FAM184B: variants seen among roughly 807,000 people sequenced by gnomAD.
The protein encoded by FAM184B is protein FAM184B.
In FAM184B, 111 loss-of-function variants were observed where a neutral mutation model predicts 135.9. That is an observed-to-expected ratio of 0.82 (90% confidence interval 0.70 to 0.96). The LOEUF (loss-of-function observed/expected upper bound fraction) is 0.96. Ranked by LOEUF, FAM184B falls within the 40% of genes least tolerant of loss-of-function variation. The pLI is 0.00. For synonymous variants in FAM184B, 552 were observed against 524.8 expected, an observed-to-expected ratio of 1.05 and a Z score of -0.71; for missense variants, 1,375 against 1,323.9, an observed-to-expected ratio of 1.04 and a Z score of -0.60.
At chr4:17,728,181 G>T (rs1717686782) in intron 1 of FAM184B, among the ~76,000 whole-genome samples, 1 of 152,134 alleles carries the variant, frequency 6.6e-6, no homozygotes, top group African/African-American at 2.4e-5. Flanking sequence ...CGAAGGTAGT[G>T]ATGATGAGGA....
intron 7 of FAM184B, among the ~76,000 whole-genome samples, chr4:17,684,199 TATAA>T (rs1716520271): frequency 7.3e-6 from 1 of 136,658 alleles, no homozygotes; most frequent in Non-Finnish European, 1.6e-5. Context: ...AAAATAGTTA[TATAA>T]AAAATAATAA....
chr4:17,676,825 A>G (rs950179924), intron 7 of FAM184B, among the ~76,000 whole-genome samples: 2 of 148,680 alleles, frequency 1.3e-5, no homozygotes, highest in Admixed American at 1.4e-4. Flanking sequence ...GTACAGTAAT[A>G]TGCTGTACAG....
At chr4:17,685,154 C>G (rs1292685904) in intron 7 of FAM184B, among the ~76,000 whole-genome samples, 2 of 148,604 alleles carry the variant, frequency 1.3e-5, no homozygotes, top group African/African-American at 5.0e-5. Context: ...CACATGTTTA[C>G]CTTTGTAACA....
chr4:17,696,834 A>AATGAATGAATGAATGAATG (rs56155024), intron 5 of FAM184B, among the ~76,000 whole-genome samples: 6 of 146,340 alleles, frequency 4.1e-5, no homozygotes, highest in African/African-American at 1.5e-4. Flanking sequence ...ATGAATGAAT[A>AATGAATGAATGAATGAATG]AATAAATAAA....
chr4:17,722,613 G>A (rs1001339774), intron 1 of FAM184B, among the ~76,000 whole-genome samples: 4 of 152,178 alleles, frequency 2.6e-5, no homozygotes, highest in African/African-American at 7.2e-5. Flanking sequence ...GCTGAAAGAC[G>A]AGGGTGGGCT....
intron 1 of FAM184B, among the ~76,000 whole-genome samples, chr4:17,730,903 GAGCTGAA>G (rs1348691308): frequency 3.0e-4 from 46 of 152,292 alleles, no homozygotes; most frequent in African/African-American, 1.1e-3. Flanking sequence ...GGAGCTAATG[GAGCTGAA>G]AGCCAAGGCT....
intron 5 of FAM184B, among the ~76,000 whole-genome samples, chr4:17,695,190 G>A (rs550631967): frequency 6.7e-5 from 10 of 149,680 alleles, no homozygotes; most frequent in East Asian, 2.0e-4. Context: ...ACAGGGTCTC[G>A]CTCTGTCACC....
Position 17,709,314 on chromosome 4 carries a change from A to G in FAM184B, c.472T>C (p.Tyr158His). ...SREMLELKAD[Y>H]ERRLQHLTSH... ...GTCAGGTGCTGGAGCCTCCTCTCGT[A>G]GTCAGCCTTGAGCTCCAGCATTTCC... is the stretch of plus-strand genomic sequence containing the variant. The change falls in exon 2 of 18, where the codon TAC becomes CAC. Residue 158 changes from tyrosine (Y) to histidine (H), a missense_variant. By Grantham distance (83) the Tyr-to-His change is moderately conservative. Transcript: ENST00000265018. 6.5e-7 allele frequency: 1 copy of G among 1,550,096 alleles called. No individual in the cohort carries two copies. The highest frequency in any genetic ancestry group is 8.7e-7 in the Non-Finnish European group (1 of 1,146,230).
chr4:17,641,290 C>A (rs1367926903), intron 13 of FAM184B, among the ~76,000 whole-genome samples: 1 of 151,894 alleles, frequency 6.6e-6, no homozygotes, highest in Non-Finnish European at 1.5e-5. Context: ...GGTCAGCTAA[C>A]TCACCCAACC....
chr4:17,770,070 G>A (rs1013018977), intron 1 of FAM184B, among the ~76,000 whole-genome samples: 6 of 152,184 alleles, frequency 3.9e-5, no homozygotes, highest in Non-Finnish European at 7.3e-5. Flanking sequence ...GAGAAGGGTG[G>A]TGTGGCAGAG....
intron 8 of FAM184B, among the ~76,000 whole-genome samples, chr4:17,663,486 T>G (rs2315555): frequency 0.85 from 129,614 of 152,012 alleles, 57,681 homozygotes; most frequent in Non-Finnish European, 0.98. Flanking sequence ...ATGCCCAAAA[T>G]CTCCTTATGC....
At chr4:17,691,029 T>A (rs1716719925) in intron 6 of FAM184B, among the ~76,000 whole-genome samples, 1 of 152,172 alleles carries the variant, frequency 6.6e-6, no homozygotes, top group African/African-American at 2.4e-5. Flanking sequence ...AGGCCCTTTG[T>A]CAATGGTCAA....
At chr4:17,691,771 T>C (rs897879297) in intron 6 of FAM184B, among the ~76,000 whole-genome samples, 5 of 151,510 alleles carry the variant, frequency 3.3e-5, no homozygotes, top group African/African-American at 9.7e-5. Flanking sequence ...CCCTGACCTG[T>C]GTTATTCAAA....
chr4:17,727,171 A>G (rs1310649931), intron 1 of FAM184B, among the ~76,000 whole-genome samples: 1 of 152,194 alleles, frequency 6.6e-6, no homozygotes, highest in African/African-American at 2.4e-5. Flanking sequence ...GAACTGGAGG[A>G]GACAGAACAA....
chr4:17,728,996 A>T (rs921497950), intron 1 of FAM184B, among the ~76,000 whole-genome samples: 4 of 152,168 alleles, frequency 2.6e-5, no homozygotes, highest in African/African-American at 9.7e-5. Context: ...TCCTTTTCCT[A>T]GTCAAAGAAA....
intron 5 of FAM184B, among the ~76,000 whole-genome samples, chr4:17,703,350 T>C (rs1717031754): frequency 6.6e-6 from 1 of 151,608 alleles, no homozygotes; most frequent in Admixed American, 6.6e-5. Context: ...ATTTAAAAAT[T>C]AGCCAGGCAT....
chr4:17,656,143 G>A (rs1044666757), intron 10 of FAM184B, among the ~76,000 whole-genome samples: 2 of 152,166 alleles, frequency 1.3e-5, no homozygotes, highest in African/African-American at 4.8e-5. Context: ...CCCGCCTCAG[G>A]TGAGTGAAGC....
chr4:17,692,730 G>A (rs1487316494), intron 6 of FAM184B, among the ~76,000 whole-genome samples: 1 of 152,182 alleles, frequency 6.6e-6, no homozygotes, highest in Non-Finnish European at 1.5e-5. Context: ...GAGGACAGGG[G>A]AAGGAAGGAA....
rs142099937 is a variant in FAM184B at position 17,757,758 on chromosome 4, A to C, written c.141+23401T>G. On this transcript the variant is annotated intron_variant, in intron 1 of 17. Transcript: ENST00000265018. ...TTTCATAGCAAAATGTTATATAAAC[A>C]ATAACAAATGCCTTCTTTCAGAGTA... is the stretch of plus-strand genomic sequence containing the variant. Among the ~76,000 whole-genome samples, 481 of 149,262 alleles carry C rather than the reference A, an allele frequency of 3.2e-3. 1 individual carries two copies. Among genetic ancestry groups the C allele is most frequent in the African/African-American group, 0.012 (446 of 38,648 alleles).
Sources: allele counts gnomAD v4.1 joint callset (sites outside exome capture counted in the v4.1 genomes callset), GRCh38; gene constraint gnomAD v4.1.1; transcripts MANE v1.5; gene names NCBI Gene and HGNC (gene_info 2026-07-23, HGNC 2026-07-21).